Variants in CRPPA observed in about 807,000 individuals in gnomAD.
CRPPA encodes CDP-L-ribitol pyrophosphorylase A.
In CRPPA, 43 loss-of-function variants were observed where a neutral mutation model predicts 52.0. The observed-to-expected ratio is 0.83, with a 90% CI of 0.65 to 1.07. The LOEUF (loss-of-function observed/expected upper bound fraction) is 1.07, where lower values mean the gene tolerates loss of function less well. Ranked by LOEUF, CRPPA falls within the 50% of genes least tolerant of loss-of-function variation. CRPPA has a pLI of 0.00. For missense variants in CRPPA, 629 were observed against 551.7 expected (o/e 1.14, Z -1.40); for synonymous variants, 250 against 203.5 (o/e 1.23, Z -1.94).
intron 9 of CRPPA, among the ~76,000 whole-genome samples, chr7:16,148,278 A>T (rs1451153668): frequency 2.0e-5 from 3 of 152,100 alleles, no homozygotes; most frequent in African/African-American, 7.2e-5. Flanking sequence ...TGAACTACCA[A>T]CCACACTACT....
chr7:16,199,664 TAA>T (rs5882560), intron 9 of CRPPA, among the ~76,000 whole-genome samples: 3 of 151,258 alleles, frequency 2.0e-5, no homozygotes, highest in East Asian at 3.9e-4. Context: ...TAAGTTCACT[TAA>T]AAAAAAAATT....
At chr7:16,216,230 C>A in intron 8 of CRPPA, 33 bp from the exon 9 acceptor site, 2 of 1,404,930 alleles carry the variant, frequency 1.4e-6, no homozygotes, top group Non-Finnish European at 9.7e-7. Flanking sequence ...TTTAGAATAT[C>A]ATTCCCTTCA....
intron 5 of CRPPA, among the ~76,000 whole-genome samples, chr7:16,282,618 TTAAAA>T (rs1335900460): frequency 1.3e-5 from 2 of 152,052 alleles, no homozygotes; most frequent in Non-Finnish European, 2.9e-5. Context: ...TTGAAAGTTA[TTAAAA>T]TAAAAAAGCA....
chr7:16,157,634 T>C (rs1412924987), intron 9 of CRPPA, among the ~76,000 whole-genome samples: 1 of 152,076 alleles, frequency 6.6e-6, no homozygotes, highest in Non-Finnish European at 1.5e-5. Context: ...TTGCAAGGAC[T>C]TTTCCATAGT....
chr7:16,131,317 A>AG (rs1460276990), intron 9 of CRPPA, among the ~76,000 whole-genome samples: 1 of 152,198 alleles, frequency 6.6e-6, no homozygotes, highest in Non-Finnish European at 1.5e-5. Context: ...GAAAGCTTTA[A>AG]TTTTCTTACA....
At chr7:16,403,670 T>C (rs1425576073) in intron 2 of CRPPA, among the ~76,000 whole-genome samples, 3 of 152,212 alleles carry the variant, frequency 2.0e-5, no homozygotes, top group Non-Finnish European at 2.9e-5. Context: ...GTTTTTATGA[T>C]AGTAAGTCAG....
At chr7:16,285,630 A>C (rs777239888) in intron 5 of CRPPA, among the ~76,000 whole-genome samples, 1 of 152,156 alleles carries the variant, frequency 6.6e-6, no homozygotes, top group Non-Finnish European at 1.5e-5. Flanking sequence ...TTATATTGAA[A>C]ACCGTAAGCA....
intron 3 of CRPPA, among the ~76,000 whole-genome samples, chr7:16,322,996 C>T (rs992941640): frequency 3.3e-5 from 5 of 152,042 alleles, no homozygotes; most frequent in African/African-American, 1.2e-4. Flanking sequence ...TCTCATGAGA[C>T]TCACTCACTA....
chr7:16,357,436 T>TC (rs1380583191), intron 3 of CRPPA, among the ~76,000 whole-genome samples: 1 of 152,130 alleles, frequency 6.6e-6, no homozygotes. Flanking sequence ...CTTCTTGGCC[T>TC]CCCAAAGTGC....
Position 16,146,022 on chromosome 7 carries a change from A to G in CRPPA, c.1252-54223T>C, listed in dbSNP as rs148101882. On this transcript the variant is annotated intron_variant, in intron 9 of 9. Coordinates refer to ENST00000407010, the MANE Select transcript of CRPPA (RefSeq NM_001101426.4). ...GAGGTCTTCACCCAGTCACATTACC[A>G]TCAAATTGTGAGAAGTCAAAGACAA... Among the ~76,000 whole-genome samples the G allele has an allele frequency of 5.9e-5, 9 of 152,300 alleles. No homozygotes were observed. The East Asian group carries it at 7.7e-4, about 13-fold the overall frequency.
chr7:16,371,351 G>A (rs2128311182), intron 3 of CRPPA, among the ~76,000 whole-genome samples: 1 of 152,126 alleles, frequency 6.6e-6, no homozygotes, highest in Admixed American at 6.5e-5. Flanking sequence ...AAACCCCATA[G>A]GAGACATTCA....
chr7:16,329,566 G>A (rs926903638), intron 3 of CRPPA, among the ~76,000 whole-genome samples: 3 of 152,072 alleles, frequency 2.0e-5, no homozygotes, highest in Admixed American at 6.5e-5. Flanking sequence ...ACACATTTAC[G>A]TCAATCTGAA....
chr7:16,346,287 T>A (rs1387463350), intron 3 of CRPPA, among the ~76,000 whole-genome samples: 1 of 152,020 alleles, frequency 6.6e-6, no homozygotes, highest in African/African-American at 2.4e-5. Context: ...ATAAGTACTA[T>A]GACGGAAGTA....
At chr7:16,245,918 T>C (rs1783260292) in intron 8 of CRPPA, among the ~76,000 whole-genome samples, 1 of 152,164 alleles carries the variant, frequency 6.6e-6, no homozygotes, top group African/African-American at 2.4e-5. Flanking sequence ...CAGCGAGTCC[T>C]AATCTTTTTG....
At chr7:16,166,298 G>A (rs76803756) in intron 9 of CRPPA, among the ~76,000 whole-genome samples, 3 of 145,772 alleles carry the variant, frequency 2.1e-5, no homozygotes, top group Non-Finnish European at 3.0e-5. Flanking sequence ...TTTTTTTTTT[G>A]AGATAGAGTC....
chr7:16,116,332 A>G (rs903071853), intron 9 of CRPPA, among the ~76,000 whole-genome samples: 3 of 152,152 alleles, frequency 2.0e-5, no homozygotes, highest in Admixed American at 6.6e-5. Flanking sequence ...TACAAAACAA[A>G]TCAGTATTTG....
At chr7:16,400,606 T>C (rs17169465) in intron 2 of CRPPA, among the ~76,000 whole-genome samples, 77,121 of 152,112 alleles carry the variant, frequency 0.51, 21,385 homozygotes, top group African/African-American at 0.74. Flanking sequence ...TGGCATGTGA[T>C]CAACACAACC....
intron 1 of CRPPA, among the ~76,000 whole-genome samples, chr7:16,408,125 A>T (rs201368748): frequency 0.021 from 3,075 of 149,342 alleles, 56 homozygotes; most frequent in South Asian, 0.064. Flanking sequence ...AAAAAAATAA[A>T]AAAATAACTT....
At chr7:16,353,785 G>T (rs187397825) in intron 3 of CRPPA, among the ~76,000 whole-genome samples, 1 of 152,092 alleles carries the variant, frequency 6.6e-6, no homozygotes. Context: ...GGGAGGCACA[G>T]GTTGCAGTGA....
Sources: allele counts gnomAD v4.1 joint callset (sites outside exome capture counted in the v4.1 genomes callset), GRCh38; gene constraint gnomAD v4.1.1; transcripts MANE v1.5; gene names NCBI Gene and HGNC (gene_info 2026-07-23, HGNC 2026-07-21).